The following RC3H1 variants were observed in gnomAD, a reference collection of about 807,000 sequenced individuals.
The protein encoded by RC3H1 is ring finger and CCCH-type domains 1.
RC3H1 carries 50 observed loss-of-function variants against 138.2 expected under a neutral mutation model. The ratio of observed to expected loss-of-function variants is 0.36; its 90% CI spans 0.29 to 0.46. The LOEUF (loss-of-function observed/expected upper bound fraction) is 0.46. Among genes scored for constraint, RC3H1 ranks in the 20% least tolerant of loss-of-function variants. The probability of loss-of-function intolerance (pLI) is 1.00; values close to 1 mark genes in which losing one functional copy is unlikely to be tolerated. For missense variants in RC3H1, 1,031 were observed against 1,388.1 expected, an observed-to-expected ratio of 0.74 and a Z score of 4.09; for synonymous variants, 462 against 489.1, an observed-to-expected ratio of 0.94 and a Z score of 0.73.
intron 2 of RC3H1, among the ~76,000 whole-genome samples, chr1:173,986,068 C>T (rs2103021012): frequency 6.6e-6 from 1 of 152,244 alleles, no homozygotes; most frequent in East Asian, 1.9e-4. Flanking sequence ...GTCACCCAGG[C>T]TGGAGTGCAG....
At chr1:173,945,212 C>T (rs1298395457) in intron 17 of RC3H1, among the ~76,000 whole-genome samples, 2 of 151,650 alleles carry the variant, frequency 1.3e-5, no homozygotes, top group Admixed American at 6.6e-5. Context: ...CAGCCTCAAC[C>T]TCCCTGGGCT....
intron 1 of RC3H1, among the ~76,000 whole-genome samples, chr1:174,017,797 A>AAAAAAAAAAAAAAAAAAAAAAG (rs1661888625): frequency 6.6e-6 from 1 of 150,544 alleles, no homozygotes; most frequent in African/African-American, 2.4e-5. Flanking sequence ...AAAAAAAAAA[A>AAAAAAAAAAAAAAAAAAAAAAG]AAAAAAAAAA....
At chr1:173,954,915 G>C (rs1008775167) in intron 13 of RC3H1, among the ~76,000 whole-genome samples, 6 of 151,980 alleles carry the variant, frequency 3.9e-5, no homozygotes, top group Non-Finnish European at 5.9e-5. Context: ...AATGATTTTC[G>C]ATTTGAGGAA....
chr1:173,939,099 T>C (rs780280316), intron 19 of RC3H1, among the ~76,000 whole-genome samples: 1 of 152,126 alleles, frequency 6.6e-6, no homozygotes, highest in Non-Finnish European at 1.5e-5. Flanking sequence ...TATTGGAATA[T>C]AGCCTGGTCA....
intron 1 of RC3H1, among the ~76,000 whole-genome samples, 173 bp downstream of exon 1, chr1:174,021,923 G>A (rs1290311533): frequency 1.3e-5 from 2 of 152,220 alleles, no homozygotes; most frequent in Non-Finnish European, 2.9e-5. Flanking sequence ...ACAAGCCCCA[G>A]AACAGCCGGC....
intron 19 of RC3H1, among the ~76,000 whole-genome samples, chr1:173,940,212 CTG>C (rs1658787498): frequency 6.6e-6 from 1 of 152,186 alleles, no homozygotes; most frequent in Non-Finnish European, 1.5e-5. Context: ...TGGCTCATAC[CTG>C]TAATCCCAGC....
rs1229203537 is a variant in RC3H1, at chr1:173,938,806, G to T, written c.3317C>A (p.Ser1106Tyr). The part of the protein sequence containing the change: ...NISLLSNKTS[S>Y]LNLSEDPEGG... ...CTCAGGGTCCTCTGACAGGTTCAGA[G>T]AGCTGGTCTTGTTTGATAGGAGGCT... Residue 1106 changes from serine (S) to tyrosine (Y), a missense_variant, in exon 20 of 20, where the codon TCT becomes TAT. Around this residue, in one of 7 missense-constraint regions of RC3H1, gnomAD observed 716 missense variants for 837.9 expected, o/e 0.85. Transcript: ENST00000367696. 1 of 1,613,838 alleles carries T rather than the reference G, an allele frequency of 6.2e-7. No homozygotes were observed. Among genetic ancestry groups the T allele is most frequent in the South Asian group, 1.1e-5 (1 of 91,066 alleles).
intron 1 of RC3H1, among the ~76,000 whole-genome samples, chr1:174,000,627 T>A (rs1661546273): frequency 6.6e-6 from 1 of 152,242 alleles, no homozygotes; most frequent in Admixed American, 6.5e-5. Flanking sequence ...CTATGCCCGA[T>A]GAGATGAGAT....
rs770078473 is a variant in RC3H1, at chr1:173,961,720, C to T, written c.2202+5G>A. ...GTCTATGTAATAAAAAAAAATACAGCATACTCTGAGGTACGAAGGTCTGAT... is the reference window on the plus strand; with the variant it reads ...GTCTATGTAATAAAAAAAAATACAGTATACTCTGAGGTACGAAGGTCTGAT... On this transcript the variant is annotated splice_donor_5th_base_variant and intron_variant, in intron 12 of 19. Coordinates refer to ENST00000367696, the MANE Select transcript of RC3H1 (RefSeq NM_172071.4). 6.2e-7 allele frequency: 1 copy of T among 1,604,854 alleles called. No individual in the cohort carries two copies. Among genetic ancestry groups the T allele is most frequent in the South Asian group, 1.1e-5 (1 of 90,484 alleles).
Position 173,984,429 on chromosome 1 carries a change from T to C in RC3H1, c.352+70A>G, listed in dbSNP as rs868666099. ...TTTTTTGGGAATTCCTCAGGACTTA[T>C]ATAGGATTATGTACTGAGTATTTAA... On this transcript the variant is annotated intron_variant, in intron 3 of 19. Transcript: ENST00000367696. 55 of 1,449,352 alleles carry C rather than the reference T, an allele frequency of 3.8e-5. 3 individuals are homozygous for C. In the Middle Eastern group the frequency reaches 8.6e-3, roughly 225 times the overall value. The allele number at this position is 1,449,352 out of a possible 1,614,324, so 89.8% of individuals were successfully genotyped here.
intron 2 of RC3H1, among the ~76,000 whole-genome samples, chr1:173,987,863 G>T (rs927409541): frequency 6.6e-6 from 1 of 152,028 alleles, no homozygotes; most frequent in Admixed American, 6.6e-5. Context: ...ATTATCACAT[G>T]AATCACTCTA....
At chr1:174,019,401 C>G (rs1273204162) in intron 1 of RC3H1, among the ~76,000 whole-genome samples, 1 of 152,188 alleles carries the variant, frequency 6.6e-6, no homozygotes, top group Non-Finnish European at 1.5e-5. Context: ...GTCACAAGAT[C>G]TGAGTCTGAG....
intron 13 of RC3H1, among the ~76,000 whole-genome samples, chr1:173,957,382 A>G (rs1488931294): frequency 2.0e-5 from 3 of 152,216 alleles, no homozygotes; most frequent in Non-Finnish European, 4.4e-5. Flanking sequence ...AAGATCACAC[A>G]GTGAAGGACA....
At chr1:173,961,595 T>C (rs1659878119) in intron 12 of RC3H1, 130 bp downstream of exon 12, 1 of 971,654 alleles carries the variant, frequency 1.0e-6, no homozygotes, top group Non-Finnish European at 1.5e-6. Flanking sequence ...TATGAAAAGA[T>C]TTAAAAAAAA....
chr1:173,964,868 G>A lies in RC3H1; in HGVS notation c.1587C>T (p.Ser529=). 6.2e-7 allele frequency: 1 copy of A among 1,614,116 alleles called. No individual in the cohort carries two copies. Residue 529 remains serine, a synonymous_variant, in exon 10 of 20, where the codon AGC becomes AGT. Coordinates refer to ENST00000367696, the MANE Select transcript of RC3H1 (RefSeq NM_172071.4). The part of the protein sequence containing the change: ...SLKPGKIDHL[S]SSAPGSPPDL... ...CAGGAGGGGATCCAGGAGCACTACT[G>A]CTCAGATGATCTATTTTTCCTGGTT...
At chr1:173,948,731 G>A (rs116792815) in intron 14 of RC3H1, among the ~76,000 whole-genome samples, 1,733 of 151,994 alleles carry the variant, frequency 0.011, 43 homozygotes, top group African/African-American at 0.04. Context: ...TGGGACCGGC[G>A]TGCACCACCA....
Position 173,946,757 on chromosome 1 carries a change from G to A in RC3H1, c.2817C>T (p.His939=). The change falls in exon 16 of 20, where the codon CAC becomes CAT. Residue 939 remains histidine (H), a synonymous_variant. Coordinates refer to ENST00000367696, the MANE Select transcript of RC3H1 (RefSeq NM_172071.4). The part of the protein sequence containing the change: ...SPHQNIPSQG[H]FSERERISMS... ...AGAATGACTCATACCTCTCACTGAA[G>A]TGTCCCTGAGAAGGTATGTTTTGAT... 6.2e-7 allele frequency: 1 copy of A among 1,612,778 alleles called. No homozygotes were observed. Among genetic ancestry groups the A allele is most frequent in the Non-Finnish European group, 8.5e-7 (1 of 1,178,788 alleles).
In RC3H1 at chr1:173,961,143, T is replaced by A; in HGVS notation, c.2304A>T (p.Arg768Ser). 5 of 1,613,962 alleles carry A rather than the reference T, an allele frequency of 3.1e-6. No individual in the cohort carries two copies. The highest frequency in any genetic ancestry group is 4.2e-6 in the Non-Finnish European group (5 of 1,179,942). Residue 768 changes from arginine to serine, a missense_variant, in exon 13 of 20, where the codon AGA becomes AGT. Physicochemically the swap from Arg to Ser is moderately radical, Grantham distance 110. Around this residue, in one of 7 missense-constraint regions of RC3H1, gnomAD observed 716 missense variants for 837.9 expected, o/e 0.85. Transcript: ENST00000367696. ...CAAAAGGAGGTGGAGAGATAACCTT[T>A]CTTTCCTCTAGCTGGGCCATTATTT... ...RKEIMAQLEE[R>S]KVISPPPFAP... is the part of the protein sequence containing the mutation.
intron 1 of RC3H1, among the ~76,000 whole-genome samples, chr1:174,017,902 TA>T (rs1661892037): frequency 6.7e-6 from 1 of 149,562 alleles, no homozygotes; most frequent in Non-Finnish European, 1.5e-5. Flanking sequence ...TGCACAGTAA[TA>T]ATCAGTGAAG....
Sources: allele counts gnomAD v4.1 joint callset (sites outside exome capture counted in the v4.1 genomes callset), GRCh38; gene constraint gnomAD v4.1.1; regional missense constraint gnomAD v4.1.1; transcripts MANE v1.5; gene names NCBI Gene and HGNC (gene_info 2026-07-23, HGNC 2026-07-21).